Variants in CACNA1E observed in about 807,000 individuals in gnomAD.
CACNA1E encodes the protein calcium voltage-gated channel subunit alpha1 E, also known as voltage-dependent R-type calcium channel subunit alpha-1E.
A neutral mutation model predicts 259.2 loss-of-function variants in CACNA1E; 40 were observed. The ratio of observed to expected loss-of-function variants is 0.15; its 90% CI spans 0.12 to 0.20. CACNA1E has a LOEUF of 0.20. CACNA1E is among the 10% of genes least tolerant of loss of function. The pLI, the probability that CACNA1E is intolerant of heterozygous loss-of-function variation, is 1.00. For synonymous variants in CACNA1E, 1,104 were observed against 1,138.5 expected (o/e 0.97, Z 0.61); for missense variants, 1,874 against 3,040.1 (o/e 0.62, Z 9.02).
chr1:181,627,690 G>A (rs935717228), intron 6 of CACNA1E, among the ~76,000 whole-genome samples: 1 of 152,164 alleles, frequency 6.6e-6, no homozygotes, highest in Admixed American at 6.5e-5. Context: ...CTTCCCAGGT[G>A]TTCTTAATTA....
intron 7 of CACNA1E, among the ~76,000 whole-genome samples, chr1:181,658,830 C>T (rs1659418734): frequency 6.6e-6 from 1 of 152,136 alleles, no homozygotes. Flanking sequence ...TGAAATCATT[C>T]TGACCTGGTT....
chr1:181,783,659 CT>C lies in CACNA1E; in HGVS notation c.5365-14del. ...TTTTTTTTTTTTTTGCCTGCTGTTT[CT>C]TTTTTCTCTTTCACACAGAGGTTGG... is the stretch of plus-strand genomic sequence containing the variant. On this transcript the variant is annotated intron_variant, in intron 39 of 47. Coordinates refer to ENST00000367573, the MANE Select transcript of CACNA1E (RefSeq NM_001205293.3). 2 of 1,162,018 alleles carry C rather than the reference CT, an allele frequency of 1.7e-6. No homozygotes were observed. The highest frequency in any genetic ancestry group is 2.3e-6 in the Non-Finnish European group (2 of 852,890). The allele number at this position is 1,162,018 out of a possible 1,614,324, so 72.0% of individuals were successfully genotyped here.
At position 181,356,976 on chromosome 1, in the gene CACNA1E, G is replaced by A. The variant is rs138129927; in HGVS notation, c.-15+38853G>A. Among the ~76,000 whole-genome samples, 27 of 152,288 alleles carry A rather than the reference G, an allele frequency of 1.8e-4. 1 individual carries two copies. The East Asian group carries it at 5.2e-3, about 29-fold the overall frequency. On this transcript the variant is annotated intron_variant, in intron 1 of 11. Coordinates refer to the CACNA1E transcript ENST00000524607. ...CAGCTAGAGGGTACAGAGAAGTTGT[G>A]CTTGGGTAAACGACGGTTCATTTCT...
chr1:181,783,654 T>G lies in CACNA1E; in HGVS notation c.5365-25T>G, dbSNP rs372063125. On this transcript the variant is annotated intron_variant, in intron 39 of 47. Coordinates refer to ENST00000367573, the MANE Select transcript of CACNA1E (RefSeq NM_001205293.3). ...TTCAATTTTTTTTTTTTTTGCCTGC[T>G]GTTTCTTTTTTCTCTTTCACACAGA... The G allele has an allele frequency of 1.3e-4, 165 of 1,265,952 alleles. 2 individuals carry two copies. The African/African-American group carries it at 1.8e-3, about 14-fold the overall frequency. The allele number at this position is 1,265,952 out of a possible 1,614,324, so 78.4% of individuals were successfully genotyped here.
At chr1:181,394,365 G>A (rs1257225513) in intron 1 of CACNA1E, among the ~76,000 whole-genome samples, 4 of 152,198 alleles carry the variant, frequency 2.6e-5, no homozygotes, top group Non-Finnish European at 5.9e-5. Flanking sequence ...TCTGTAAAAT[G>A]TGGATAATAC....
At chr1:181,739,412 C>T (rs1052092532) in intron 25 of CACNA1E, 159 bp downstream of exon 25, 30 of 624,448 alleles carry the variant, frequency 4.8e-5, no homozygotes, top group Non-Finnish European at 7.2e-5. Context: ...AGCTCCTGAG[C>T]GCCTTGCAGC....
rs182882350 is a variant in CACNA1E at position 181,510,350 on chromosome 1, A to G, written c.267-127A>G. On this transcript the variant is annotated intron_variant, in intron 1 of 47. Coordinates refer to ENST00000367573, the MANE Select transcript of CACNA1E (RefSeq NM_001205293.3). ...CACTGTCTTGCCTGCCTGCCTGTTTACAAATAAAAATCATGCAAACTGCAC... is the reference window on the plus strand; with the variant it reads ...CACTGTCTTGCCTGCCTGCCTGTTTGCAAATAAAAATCATGCAAACTGCAC... The G allele has an allele frequency of 1.2e-5, 8 of 685,604 alleles. No individual in the cohort carries two copies. The Admixed American group carries it at 1.7e-4, about 15-fold the overall frequency. The allele number at this position is 685,604 out of a possible 1,614,324, so 42.5% of individuals were successfully genotyped here. A position where few individuals can be genotyped will look rare whatever the true frequency, so the allele number is the denominator to read the frequency against.
At chr1:181,380,816 C>A (rs1434895122) in intron 1 of CACNA1E, among the ~76,000 whole-genome samples, 2 of 152,102 alleles carry the variant, frequency 1.3e-5, no homozygotes, top group Non-Finnish European at 2.9e-5. Context: ...TAAACATATA[C>A]CTACAAAATG....
chr1:181,758,186 C>T lies in CACNA1E; in HGVS notation c.4494+75C>T. The T allele has an allele frequency of 7.6e-7, 1 of 1,319,840 alleles. No homozygotes were observed. The highest frequency in any genetic ancestry group is 1.1e-6 in the Non-Finnish European group (1 of 928,290). 81.8% of individuals were successfully genotyped at this position (1,319,840 alleles called of 1,614,324 possible). ...TCCCAGGGCAAGTGGGAAGACACCC[C>T]AACATCCCAGCCCATCACTGCTTTA... On this transcript the variant is annotated intron_variant, in intron 31 of 47. Transcript: ENST00000367573. The surrounding 1 kb of genome is among the most constrained non-coding windows in gnomAD (Gnocchi z 4.2).
At chr1:181,419,046 C>A (rs1658508955) in intron 2 of CACNA1E, among the ~76,000 whole-genome samples, 1 of 152,098 alleles carries the variant, frequency 6.6e-6, no homozygotes, top group Non-Finnish European at 1.5e-5. Flanking sequence ...TGCCTCTGCC[C>A]CTCCCTGCTA....
chr1:181,613,867 GC>G (rs1341979936), intron 6 of CACNA1E, among the ~76,000 whole-genome samples: 4 of 152,142 alleles, frequency 2.6e-5, no homozygotes, highest in Admixed American at 1.3e-4. Context: ...TTTCACTGGT[GC>G]CTGGGAACTC....
rs368086219 is a variant in CACNA1E, at chr1:181,739,391, G to T, written c.3719+138G>T. The T allele has an allele frequency of 7.3e-5, 49 of 671,718 alleles. No individual in the cohort carries two copies. The African/African-American group carries it at 7.7e-4, about 11-fold the overall frequency. The allele number at this position is 671,718 out of a possible 1,614,324, so 41.6% of individuals were successfully genotyped here. A position where few individuals can be genotyped will look rare whatever the true frequency, so the allele number is the denominator to read the frequency against. On this transcript the variant is annotated intron_variant, in intron 25 of 47. Transcript: ENST00000367573. ...CCCGCTGGAAATCTGCTCCCCAGTCGCCCCCAGCAGAGCTCCTGAGCGCCT... is the reference window on the plus strand; with the variant it reads ...CCCGCTGGAAATCTGCTCCCCAGTCTCCCCCAGCAGAGCTCCTGAGCGCCT...
chr1:181,694,985 A>T (rs2102342766), intron 7 of CACNA1E, among the ~76,000 whole-genome samples: 1 of 152,296 alleles, frequency 6.6e-6, no homozygotes. Context: ...CTAACAGTAG[A>T]CTCTAAACTA....
Position 181,598,930 on chromosome 1 carries a change from A to AT in CACNA1E, c.951+18167dup, listed in dbSNP as rs59473397. Among the ~76,000 whole-genome samples, 1,282 of 142,618 alleles carry AT rather than the reference A, an allele frequency of 9.0e-3. 13 individuals carry two copies. The highest frequency in any genetic ancestry group is 0.023 in the African/African-American group (895 of 39,434). The allele number at this position is 142,618 out of a possible 152,430, so 93.6% of individuals were successfully genotyped here. A position where few individuals can be genotyped will look rare whatever the true frequency, so the allele number is the denominator to read the frequency against. On this transcript the variant is annotated intron_variant, in intron 6 of 47. Transcript: ENST00000367573. Reference sequence around the variant, plus strand: ...TGGCTGTGGCCACACTGTTTCTGCCATTTTTTTTTTTTTAAATTTCTAAAT... The same window carrying AT: ...TGGCTGTGGCCACACTGTTTCTGCCATTTTTTTTTTTTTTAAATTTCTAAAT...
intron 6 of CACNA1E, among the ~76,000 whole-genome samples, chr1:181,623,165 C>T (rs760163262): frequency 2.0e-5 from 3 of 152,160 alleles, no homozygotes; most frequent in African/African-American, 4.8e-5. Flanking sequence ...CAGTTAAAAT[C>T]GCCATCTCCA....
At chr1:181,320,012 G>A (rs1466308635) in intron 1 of CACNA1E, among the ~76,000 whole-genome samples, 1 of 152,204 alleles carries the variant, frequency 6.6e-6, no homozygotes, top group Non-Finnish European at 1.5e-5. Context: ...AACTGAGAGT[G>A]ATTTACATCT....
At chr1:181,426,171 G>C (rs56261773) in intron 2 of CACNA1E, among the ~76,000 whole-genome samples, 89,629 of 151,318 alleles carry the variant, frequency 0.59, 27,258 homozygotes, top group African/African-American at 0.7. Flanking sequence ...AGGTCTAACT[G>C]CATCCCCCTC....
chr1:181,478,136 G>C (rs930859026), intron 2 of CACNA1E, among the ~76,000 whole-genome samples: 4 of 152,246 alleles, frequency 2.6e-5, no homozygotes, highest in Non-Finnish European at 5.9e-5. Context: ...TGGGTGTTCA[G>C]ATAACAGGAT....
intron 7 of CACNA1E, among the ~76,000 whole-genome samples, chr1:181,673,821 C>T (rs1322024081): frequency 6.6e-6 from 1 of 152,156 alleles, no homozygotes; most frequent in Non-Finnish European, 1.5e-5. Flanking sequence ...ACCCGCTCTG[C>T]CAGCTCTCGT....
Sources: allele counts gnomAD v4.1 joint callset (sites outside exome capture counted in the v4.1 genomes callset), GRCh38; gene constraint gnomAD v4.1.1; non-coding constraint Gnocchi (gnomAD v3.1); transcripts MANE v1.5; gene names NCBI Gene and HGNC (gene_info 2026-07-23, HGNC 2026-07-21).